The following KIF26B variants were observed in gnomAD, a reference collection of about 807,000 sequenced individuals.
KIF26B encodes kinesin-like protein KIF26B.
Under a neutral mutation model 151.2 loss-of-function variants are expected in KIF26B, and 63 were observed. That is an observed-to-expected ratio of 0.42 (90% CI 0.34 to 0.51). The LOEUF (loss-of-function observed/expected upper bound fraction) is 0.51, where lower values mean the gene tolerates loss of function less well. KIF26B is among the 20% of genes least tolerant of loss of function. KIF26B has a pLI of 0.07. For missense variants in KIF26B, 2,813 were observed against 2,913.6 expected (o/e 0.97, Z 0.79); for synonymous variants, 1,357 against 1,262.1 (o/e 1.08, Z -1.59).
rs1017973462 is a variant in KIF26B, at chr1:245,512,569, C to T, written c.1167-28198C>T. Among the ~76,000 whole-genome samples, 3 of 152,132 alleles carry T rather than the reference C, an allele frequency of 2.0e-5. No individual in the cohort carries two copies. Among genetic ancestry groups the T allele is most frequent in the Non-Finnish European group, 2.9e-5 (2 of 68,032 alleles). On this transcript the variant is annotated intron_variant, in intron 4 of 14. Transcript: ENST00000407071. The surrounding 1 kb of genome is among the most constrained non-coding windows in gnomAD (Gnocchi z 4.3). ...TCATCAAGGGCTGTAGCACTGGGCACCCGAGGGGATCAGCCTAAACCCAAA... is the reference window on the plus strand; with the variant it reads ...TCATCAAGGGCTGTAGCACTGGGCATCCGAGGGGATCAGCCTAAACCCAAA...
chr1:245,683,024 C>T (rs2044459726), intron 10 of KIF26B, among the ~76,000 whole-genome samples: 2 of 152,162 alleles, frequency 1.3e-5, no homozygotes, highest in African/African-American at 2.4e-5. Flanking sequence ...AGCTTTAGCC[C>T]AGCGTCGCCA....
intron 5 of KIF26B, among the ~76,000 whole-genome samples, chr1:245,568,018 T>C (rs1040062012): frequency 3.3e-5 from 5 of 151,322 alleles, no homozygotes; most frequent in Non-Finnish European, 7.4e-5. Context: ...ACCCCGTCTC[T>C]ACTAAAAATT....
At chr1:245,465,251 C>T (rs182495504) in intron 4 of KIF26B, among the ~76,000 whole-genome samples, 63 of 152,240 alleles carry the variant, frequency 4.1e-4, no homozygotes, top group East Asian at 1.2e-3. Context: ...GTGCTGGGAT[C>T]ACAGGCGTGA....
At chr1:245,490,830 T>C (rs1183351620) in intron 4 of KIF26B, among the ~76,000 whole-genome samples, 3 of 152,242 alleles carry the variant, frequency 2.0e-5, no homozygotes, top group African/African-American at 7.2e-5. Flanking sequence ...AACGGTTCTC[T>C]GTTGCATTTA....
intron 3 of KIF26B, among the ~76,000 whole-genome samples, chr1:245,406,231 T>TCCCATGTTGCTC (rs1312520595): frequency 2.6e-5 from 4 of 152,036 alleles, no homozygotes; most frequent in Non-Finnish European, 5.9e-5. Flanking sequence ...GCCCATAGCC[T>TCCCATGTTGCTC]CCCTTGTTGC....
Position 245,686,061 on chromosome 1 carries a change from G to C in KIF26B, c.3078G>C (p.Pro1026=). 1 of 1,596,782 alleles carries C rather than the reference G, an allele frequency of 6.3e-7. No individual in the cohort carries two copies. Among genetic ancestry groups the C allele is most frequent in the Non-Finnish European group, 8.5e-7 (1 of 1,172,458 alleles). The part of the protein sequence containing the change: ...SPSPASPRSV[P]GSSSQHSASP... ...GCCCGGCCTCACCCAGGAGCGTCCC[G>C]GGCAGCAGTAGCCAGCACAGCGCCT... The change falls in exon 12 of 15, where the codon CCG becomes CCC. Residue 1026 remains proline, a synonymous_variant. Transcript: ENST00000407071. This position sits in a 1 kb window ranked among gnomAD's most constrained non-coding sequence, Gnocchi z 5.6.
Position 245,313,803 on chromosome 1 carries a change from C to G in KIF26B, c.466-53031C>G, listed in dbSNP as rs1170880387. Among the ~76,000 whole-genome samples the G allele has an allele frequency of 2.0e-5, 3 of 152,296 alleles. No individual in the cohort carries two copies. The East Asian group carries it at 5.8e-4, about 29-fold the overall frequency. ...CTTCTTGTGGTGCACATACCATTTT[C>G]GTCATTAAATCCCCAATGACTCACC... On this transcript the variant is annotated intron_variant, in intron 2 of 14. Coordinates refer to ENST00000407071, the MANE Select transcript of KIF26B (RefSeq NM_018012.4).
At chr1:245,430,083 C>T (rs13373940) in intron 4 of KIF26B, among the ~76,000 whole-genome samples, 146 of 152,280 alleles carry the variant, frequency 9.6e-4, no homozygotes, top group African/African-American at 2.1e-3. Context: ...TGGACATTAA[C>T]GAAAACAGTG....
In KIF26B at chr1:245,601,060, G is replaced by A. The variant is rs964349560; in HGVS notation, c.1351-1517G>A. On this transcript the variant is annotated intron_variant, in intron 5 of 14. Transcript: ENST00000407071. The surrounding 1 kb of genome is among the most constrained non-coding windows in gnomAD (Gnocchi z 4.4). ...AGCATTGGGAGGATTAAATGAGATC[G>A]TGTAGATAACAGCATAGTCCTGGCA... 3.9e-5 allele frequency among the ~76,000 whole-genome samples: 6 copies of A among 152,220 alleles called. No homozygotes were observed. Among genetic ancestry groups the A allele is most frequent in the South Asian group, 2.1e-4 (1 of 4,830 alleles).
rs376903158 is a variant in KIF26B, at chr1:245,688,858, G to A, written c.5824+51G>A. On this transcript the variant is annotated intron_variant, in intron 12 of 14. Coordinates refer to ENST00000407071, the MANE Select transcript of KIF26B (RefSeq NM_018012.4). ...GGTGAGGAGGGCGGCAGGTGGGCGAGCTGCCCAAACCCCACTGCCAGGGTG... is the reference window on the plus strand; with the variant it reads ...GGTGAGGAGGGCGGCAGGTGGGCGAACTGCCCAAACCCCACTGCCAGGGTG... 1.6e-4 allele frequency: 235 copies of A among 1,515,716 alleles called. 1 individual carries two copies. In the African/African-American group the frequency reaches 2.9e-3, roughly 19 times the overall value. The allele number at this position is 1,515,716 out of a possible 1,614,324, so 93.9% of individuals were successfully genotyped here.
intron 3 of KIF26B, among the ~76,000 whole-genome samples, chr1:245,378,160 A>G (rs1219400098): frequency 6.6e-6 from 1 of 152,156 alleles, no homozygotes; most frequent in Non-Finnish European, 1.5e-5. Context: ...CTACCGATCA[A>G]GCTGATAATT....
chr1:245,349,761 A>G (rs751711305), intron 2 of KIF26B, among the ~76,000 whole-genome samples: 14 of 152,170 alleles, frequency 9.2e-5, no homozygotes, highest in Non-Finnish European at 1.5e-4. Flanking sequence ...AATAATGTGG[A>G]AAGATCTGGT....
chr1:245,181,597 T>C (rs1056231648), intron 2 of KIF26B, among the ~76,000 whole-genome samples: 2 of 152,008 alleles, frequency 1.3e-5, no homozygotes, highest in Non-Finnish European at 2.9e-5. Context: ...CTGGCCATGT[T>C]CGGAAAGGAC....
At chr1:245,172,275 G>C (rs1369275406) in intron 2 of KIF26B, among the ~76,000 whole-genome samples, 1 of 152,162 alleles carries the variant, frequency 6.6e-6, no homozygotes, top group Non-Finnish European at 1.5e-5. Flanking sequence ...TTGGGGAGCA[G>C]CCAGCATGGC....
At chr1:245,689,576 T>C (rs1160903879) in intron 12 of KIF26B, among the ~76,000 whole-genome samples, 1 of 152,204 alleles carries the variant, frequency 6.6e-6, no homozygotes, top group Non-Finnish European at 1.5e-5. Flanking sequence ...TTTCCTTTTT[T>C]TGAGACAGTC....
chr1:245,699,140 C>T (rs769691770), intron 14 of KIF26B, 103 bp downstream of exon 14: 201 of 1,255,836 alleles, frequency 1.6e-4, no homozygotes, highest in Admixed American at 2.4e-4. Context: ...GTGTCCTCGT[C>T]CTCAGTCACA....
At chr1:245,381,533 T>C (rs1228011629) in intron 3 of KIF26B, among the ~76,000 whole-genome samples, 1 of 152,150 alleles carries the variant, frequency 6.6e-6, no homozygotes, top group Non-Finnish European at 1.5e-5. Context: ...TTAGTGTCAG[T>C]GTTTTTTAAG....
chr1:245,166,181 A>G lies in KIF26B; in HGVS notation c.465+9498A>G, dbSNP rs114400260. On this transcript the variant is annotated intron_variant, in intron 2 of 14. Transcript: ENST00000407071. The surrounding 1 kb of genome is among the most constrained non-coding windows in gnomAD (Gnocchi z 4.5). The stretch of plus-strand genomic sequence containing the variant: ...AGGTGAAATTGTGAGATGCTAGTCA[A>G]CCATCGCTTTCTGTTATTATTCCAG... 9.4e-3 allele frequency among the ~76,000 whole-genome samples: 1,425 copies of G among 152,286 alleles called. 24 individuals carry two copies. Among genetic ancestry groups the G allele is most frequent in the African/African-American group, 0.032 (1,335 of 41,558 alleles).
chr1:245,336,082 A>AGGGTCCCACGCAGGGAAAGGG (rs1672225771), intron 2 of KIF26B, among the ~76,000 whole-genome samples: 20 of 130,572 alleles, frequency 1.5e-4, no homozygotes, highest in Admixed American at 5.2e-4. Context: ...CAGGGAAAGG[A>AGGGTCCCACGCAGGGAAAGGG]GGGTCCCACG....
Sources: allele counts gnomAD v4.1 joint callset (sites outside exome capture counted in the v4.1 genomes callset), GRCh38; gene constraint gnomAD v4.1.1; non-coding constraint Gnocchi (gnomAD v3.1); transcripts MANE v1.5; gene names NCBI Gene and HGNC (gene_info 2026-07-23, HGNC 2026-07-21).